Variants in DENND2B observed in about 807,000 individuals in gnomAD.
The protein encoded by DENND2B is DENN domain-containing protein 2B.
DENND2B carries 32 observed loss-of-function variants against 116.0 expected under a neutral mutation model. The observed-to-expected ratio is 0.28, with a 90% CI of 0.21 to 0.37. The LOEUF (loss-of-function observed/expected upper bound fraction) is 0.37. Among genes scored for constraint, DENND2B ranks in the 10% least tolerant of loss-of-function variants. The probability of loss-of-function intolerance (pLI) is 1.00; values close to 1 mark genes in which losing one functional copy is unlikely to be tolerated. For synonymous variants in DENND2B, 588 were observed against 583.9 expected (o/e 1.01, Z -0.10); for missense variants, 1,276 against 1,477.7 (o/e 0.86, Z 2.24).
At chr11:8,898,679 A>T (rs2064130437) in intron 1 of DENND2B, among the ~76,000 whole-genome samples, 1 of 152,210 alleles carries the variant, frequency 6.6e-6, no homozygotes, top group Admixed American at 6.5e-5. Context: ...TCATTCATTT[A>T]CATATTGTCT....
Position 8,698,404 on chromosome 11 carries a change from G to A in DENND2B, c.2940+529C>T, listed in dbSNP as rs963033849. Among the ~76,000 whole-genome samples, 10 of 152,290 alleles carry A rather than the reference G, an allele frequency of 6.6e-5. No individual in the cohort carries two copies. In the East Asian group the frequency reaches 1.3e-3, roughly 21 times the overall value. On this transcript the variant is annotated intron_variant, in intron 16 of 19. Transcript: ENST00000313726. ...TGGTACCCAGGGAGTCCTCAGCTCC[G>A]TCATTGGTGTGTAACAGACAATAAG...
intron 4 of DENND2B, among the ~76,000 whole-genome samples, chr11:8,720,280 C>T (rs1274999718): frequency 1.3e-5 from 2 of 152,116 alleles, no homozygotes; most frequent in African/African-American, 4.8e-5. Context: ...CTCACTCCCT[C>T]CTTCCTTCCT....
chr11:8,872,505 A>G (rs932756065), upstream of DENND2B, among the ~76,000 whole-genome samples: 1 of 151,614 alleles, frequency 6.6e-6, no homozygotes, highest in Non-Finnish European at 1.5e-5. Flanking sequence ...AAAAAAAAGA[A>G]AAAAAAAGAT....
intron 2 of DENND2B, among the ~76,000 whole-genome samples, chr11:8,737,593 A>G (rs2049292630): frequency 6.6e-6 from 1 of 152,200 alleles, no homozygotes; most frequent in Non-Finnish European, 1.5e-5. Flanking sequence ...AGTTTTCCTA[A>G]AAAAGGAACA....
intron 4 of DENND2B, among the ~76,000 whole-genome samples, chr11:8,817,082 T>C (rs1396888260): frequency 2.0e-5 from 3 of 152,130 alleles, no homozygotes; most frequent in Non-Finnish European, 4.4e-5. Flanking sequence ...AGGTGCTAAA[T>C]TACAGAATGG....
chr11:8,829,933 G>A (rs2062138701), intron 4 of DENND2B, among the ~76,000 whole-genome samples: 1 of 152,146 alleles, frequency 6.6e-6, no homozygotes, highest in Non-Finnish European at 1.5e-5. Context: ...AGCTCTCACA[G>A]GTCAGAAACG....
intron 19 of DENND2B, 112 bp downstream of exon 19, chr11:8,695,351 A>G (rs1374732280): frequency 2.0e-6 from 2 of 1,005,396 alleles, no homozygotes; most frequent in Non-Finnish European, 3.1e-6. Flanking sequence ...TGTTCTGTCT[A>G]CAGCCCCAGT....
intron 1 of DENND2B, among the ~76,000 whole-genome samples, chr11:8,763,428 C>G (rs2055039043): frequency 6.6e-6 from 1 of 151,800 alleles, no homozygotes; most frequent in Non-Finnish European, 1.5e-5. Flanking sequence ...TACTAAAAGA[C>G]AAGTATGAGA....
intron 3 of DENND2B, among the ~76,000 whole-genome samples, chr11:8,854,942 C>T: frequency 6.6e-6 from 1 of 152,086 alleles, no homozygotes; most frequent in East Asian, 1.9e-4. Context: ...AAACTCCTGG[C>T]CTCAAGTGAT....
chr11:8,721,948 G>A (rs188493740), intron 4 of DENND2B, among the ~76,000 whole-genome samples: 3 of 152,344 alleles, frequency 2.0e-5, no homozygotes, highest in Non-Finnish European at 2.9e-5. Context: ...CTCAGGCGCC[G>A]AGGCCACTCC....
chr11:8,822,548 G>A (rs545065934), intron 4 of DENND2B, among the ~76,000 whole-genome samples: 4 of 152,254 alleles, frequency 2.6e-5, no homozygotes, highest in South Asian at 2.1e-4. Context: ...TCGGACTCAC[G>A]GAGCCACTCC....
intron 1 of DENND2B, chr11:8,785,087 G>A (rs2134285909): frequency 6.6e-6 from 1 of 152,252 alleles, no homozygotes; most frequent in East Asian, 1.9e-4. Context: ...GAAGCCACAG[G>A]AAGGTACAAC....
upstream of DENND2B, among the ~76,000 whole-genome samples, chr11:8,872,354 C>A (rs2063794177): frequency 6.6e-6 from 1 of 151,916 alleles, no homozygotes. Context: ...GGAGTGGTGG[C>A]AGGCGCCTGT....
At chr11:8,784,116 C>T (rs1442579387) in intron 1 of DENND2B, 2 of 152,146 alleles carry the variant, frequency 1.3e-5, no homozygotes, top group African/African-American at 4.8e-5. Flanking sequence ...GTCATAAGAT[C>T]AGCCCCAGAG....
chr11:8,891,155 A>T (rs2064027365), intron 1 of DENND2B, among the ~76,000 whole-genome samples: 1 of 152,204 alleles, frequency 6.6e-6, no homozygotes, highest in Non-Finnish European at 1.5e-5. Context: ...TCATAAGTGA[A>T]GGAGAAATAA....
At chr11:8,799,561 CTTTTTT>C (rs67190732) in intron 1 of DENND2B, among the ~76,000 whole-genome samples, 1 of 114,054 alleles carries the variant, frequency 8.8e-6, no homozygotes. Context: ...TCCTTTTTCT[CTTTTTT>C]TTTTTTTTTT....
chr11:8,769,754 C>T (rs927782538), intron 1 of DENND2B, among the ~76,000 whole-genome samples: 1 of 152,170 alleles, frequency 6.6e-6, no homozygotes, highest in Non-Finnish European at 1.5e-5. Context: ...TACCACTGTT[C>T]CCCTGGCTGG....
chr11:8,900,269 C>CAAA (rs58137458), intron 1 of DENND2B, among the ~76,000 whole-genome samples: 13 of 140,240 alleles, frequency 9.3e-5, no homozygotes, highest in African/African-American at 3.2e-4. Context: ...ACTAAAAATA[C>CAAA]AAAAAAAAAA....
intron 2 of DENND2B, among the ~76,000 whole-genome samples, chr11:8,870,304 A>C (rs1369805232): frequency 1.3e-5 from 2 of 152,222 alleles, no homozygotes; most frequent in Non-Finnish European, 2.9e-5. Context: ...TTGTCTCTTG[A>C]ACTCTACTCA....
Sources: gnomAD v4.1 joint callset for allele counts (sites outside exome capture counted in the v4.1 genomes callset) on GRCh38, gnomAD v4.1.1 for gene constraint, MANE v1.5 for transcripts, NCBI Gene and HGNC (gene_info 2026-07-23, HGNC 2026-07-21) for gene names.